Variants in PRPSAP1 observed in about 807,000 individuals in gnomAD.
PRPSAP1 encodes phosphoribosyl pyrophosphate synthetase associated protein 1.
PRPSAP1 carries 31 observed loss-of-function variants against 39.4 expected under a neutral mutation model. That is an observed-to-expected ratio of 0.79 (90% CI 0.59 to 1.06). The LOEUF (loss-of-function observed/expected upper bound fraction) is 1.06. PRPSAP1 is among the 50% of genes least tolerant of loss of function. PRPSAP1 has a pLI of 0.00. For synonymous variants in PRPSAP1, 212 were observed against 192.6 expected, an observed-to-expected ratio of 1.10 and a Z score of -0.83; for missense variants, 430 against 511.6, an observed-to-expected ratio of 0.84 and a Z score of 1.54.
Position 76,353,882 on chromosome 17 carries a change from G to T in PRPSAP1, c.-179C>A, listed in dbSNP as rs2071613236. The T allele has an allele frequency of 1.5e-6, 2 of 1,327,098 alleles. No individual in the cohort carries two copies. The highest frequency in any genetic ancestry group is 4.0e-5 in the South Asian group (2 of 49,418). 82.2% of individuals were successfully genotyped at this position (1,327,098 alleles called of 1,614,324 possible). A position where few individuals can be genotyped will look rare whatever the true frequency, so the allele number is the denominator to read the frequency against. The stretch of plus-strand genomic sequence containing the variant: ...CACTGACTACAGCGGCCGAGCCTTC[G>T]CAGCGCCCGGCGCCGCCGCCTCAGA... On this transcript the variant is annotated 5_prime_UTR_variant, in exon 1 of 10. Coordinates refer to ENST00000446526, the MANE Select transcript of PRPSAP1 (RefSeq NM_002766.3).
At chr17:76,340,919 G>C (rs574656533) in intron 3 of PRPSAP1, among the ~76,000 whole-genome samples, 1 of 150,538 alleles carries the variant, frequency 6.6e-6, no homozygotes, top group Non-Finnish European at 1.5e-5. Flanking sequence ...AAAAAAAAGC[G>C]GGGGGTAGGG....
At chr17:76,346,084 G>A in intron 2 of PRPSAP1, 1 of 314,482 alleles carries the variant, frequency 3.2e-6, no homozygotes, top group Admixed American at 3.6e-5. Flanking sequence ...CCAGGCACCT[G>A]CTGGAGATGC....
Position 76,320,487 on chromosome 17 carries a change from C to T in PRPSAP1, c.782-6596G>A, listed in dbSNP as rs186266158. Among the ~76,000 whole-genome samples, 939 of 133,358 alleles carry T rather than the reference C, an allele frequency of 7.0e-3. 6 individuals carry two copies. The highest frequency in any genetic ancestry group is 0.011 in the Non-Finnish European group (741 of 65,314). 87.5% of individuals were successfully genotyped at this position (133,358 alleles called of 152,430 possible). On this transcript the variant is annotated intron_variant, in intron 7 of 9. Coordinates refer to ENST00000446526, the MANE Select transcript of PRPSAP1 (RefSeq NM_002766.3). The stretch of plus-strand genomic sequence containing the variant: ...TTGCCCAGGTTGGAGTGCAGTGGCA[C>T]GATCTCAGTTCACTCCAACCTCTGC...
chr17:76,313,061 A>G (rs771459107), intron 8 of PRPSAP1, 45 bp from the exon 9 acceptor site: 5 of 1,595,258 alleles, frequency 3.1e-6, no homozygotes, highest in Admixed American at 3.5e-5. Context: ...AACACCCTCT[A>G]GCCCATACTG....
intron 6 of PRPSAP1, 107 bp from the exon 7 acceptor site, chr17:76,328,969 T>A: frequency 7.9e-7 from 1 of 1,267,368 alleles, no homozygotes; most frequent in Non-Finnish European, 1.1e-6. Context: ...TTCAGGGACA[T>A]ACAAAGGCAT....
chr17:76,313,724 C>T (rs886128803), intron 8 of PRPSAP1, 97 bp downstream of exon 8: 47 of 1,328,598 alleles, frequency 3.5e-5, no homozygotes, highest in Non-Finnish European at 4.6e-5. Context: ...TGGATCCATT[C>T]GGATCATCGT....
intron 7 of PRPSAP1, among the ~76,000 whole-genome samples, chr17:76,319,220 G>C (rs527671430): frequency 6.6e-6 from 1 of 152,088 alleles, no homozygotes; most frequent in East Asian, 1.9e-4. Context: ...TTATAGGCAT[G>C]AGCCACCACG....
chr17:76,312,043 C>T (rs1282680236), intron 9 of PRPSAP1, among the ~76,000 whole-genome samples: 2 of 152,112 alleles, frequency 1.3e-5, no homozygotes, highest in Non-Finnish European at 2.9e-5. Flanking sequence ...CCAAGCAAAC[C>T]GTTATGCAAA....
rs146443330 is a variant in PRPSAP1 at position 76,321,640 on chromosome 17, T to C, written c.781+7077A>G. On this transcript the variant is annotated intron_variant, in intron 7 of 9. Transcript: ENST00000446526. ...TCCCTATTCCCTGAGACACAATATATTGAAATTAGGCCAATAACCCTACAA... is the reference window on the plus strand; with the variant it reads ...TCCCTATTCCCTGAGACACAATATACTGAAATTAGGCCAATAACCCTACAA... 5.5e-3 allele frequency among the ~76,000 whole-genome samples: 839 copies of C among 152,210 alleles called. 6 individuals are homozygous for C. Among genetic ancestry groups the C allele is most frequent in the African/African-American group, 0.019 (796 of 41,538 alleles).
At chr17:76,328,035 A>G (rs992145735) in intron 7 of PRPSAP1, among the ~76,000 whole-genome samples, 1 of 152,100 alleles carries the variant, frequency 6.6e-6, no homozygotes, top group Non-Finnish European at 1.5e-5. Context: ...AAGAAAAAAA[A>G]AGGAACAGAA....
chr17:76,324,870 G>A (rs898036959), intron 7 of PRPSAP1, among the ~76,000 whole-genome samples: 9 of 150,072 alleles, frequency 6.0e-5, no homozygotes, highest in South Asian at 2.1e-4. Context: ...GACCATCCTG[G>A]CTAACATGGT....
chr17:76,336,674 G>A (rs1293575890), intron 3 of PRPSAP1, among the ~76,000 whole-genome samples: 3 of 144,374 alleles, frequency 2.1e-5, no homozygotes, highest in African/African-American at 7.7e-5. Context: ...GGAGGTTGTG[G>A]TGAGCCGAGA....
chr17:76,353,334 T>A, intron 1 of PRPSAP1, 200 bp downstream of exon 1: 1 of 516,814 alleles, frequency 1.9e-6, no homozygotes, highest in East Asian at 3.6e-5. Flanking sequence ...TCACCGAGAG[T>A]CCGCCCCAAG....
chr17:76,344,558 C>A (rs1040256656), intron 3 of PRPSAP1, 113 bp downstream of exon 3: 1 of 988,614 alleles, frequency 1.0e-6, no homozygotes, highest in Non-Finnish European at 1.5e-6. Flanking sequence ...AGCCACACGC[C>A]CGGCCTGAAT....
At chr17:76,336,380 G>C (rs1356179887) in intron 3 of PRPSAP1, among the ~76,000 whole-genome samples, 3 of 150,260 alleles carry the variant, frequency 2.0e-5, no homozygotes, top group Non-Finnish European at 4.4e-5. Flanking sequence ...AGAGGTTGTA[G>C]TGAGCCGACA....
intron 7 of PRPSAP1, among the ~76,000 whole-genome samples, chr17:76,325,139 G>A (rs2071241047): frequency 6.7e-6 from 1 of 149,024 alleles, no homozygotes; most frequent in South Asian, 2.1e-4. Context: ...TCCGGGCACA[G>A]TGGTTTACGC....
Position 76,353,861 on chromosome 17 carries a change from G to T in PRPSAP1, c.-158C>A. 3 of 1,341,938 alleles carry T rather than the reference G, an allele frequency of 2.2e-6. No individual in the cohort carries two copies. Among genetic ancestry groups the T allele is most frequent in the Non-Finnish European group, 2.8e-6 (3 of 1,052,726 alleles). 83.1% of individuals were successfully genotyped at this position (1,341,938 alleles called of 1,614,324 possible). ...GTGCCCTTGCGCACCCCACACCACTGACTACAGCGGCCGAGCCTTCGCAGC... is the reference window on the plus strand; with the variant it reads ...GTGCCCTTGCGCACCCCACACCACTTACTACAGCGGCCGAGCCTTCGCAGC... On this transcript the variant is annotated 5_prime_UTR_variant, in exon 1 of 10. Coordinates refer to ENST00000446526, the MANE Select transcript of PRPSAP1 (RefSeq NM_002766.3).
chr17:76,329,984 G>T, intron 6 of PRPSAP1, 59 bp downstream of exon 6: 1 of 1,516,342 alleles, frequency 6.6e-7, no homozygotes, highest in Non-Finnish European at 9.1e-7. Flanking sequence ...TTCCAAAGCA[G>T]CTCATTCTGA....
intron 2 of PRPSAP1, among the ~76,000 whole-genome samples, chr17:76,345,237 T>TAAAAAAAAAAAAAAAAAAAAAAAAAAAA (rs59693380): frequency 1.6e-5 from 1 of 62,194 alleles, no homozygotes; most frequent in African/African-American, 5.4e-5. Context: ...TCCGTCTCAT[T>TAAAAAAAAAAAAAAAAAAAAAAAAAAAA]AAAAAAAAAA....
Sources: allele counts gnomAD v4.1 joint callset (sites outside exome capture counted in the v4.1 genomes callset), GRCh38; gene constraint gnomAD v4.1.1; transcripts MANE v1.5; gene names NCBI Gene and HGNC (gene_info 2026-07-23, HGNC 2026-07-21).